Variants in KANSL1L observed in about 807,000 individuals in gnomAD.
KANSL1L encodes the protein KAT8 regulatory NSL complex subunit 1 like.
A neutral mutation model predicts 108.6 loss-of-function variants in KANSL1L; 25 were observed. The ratio of observed to expected loss-of-function variants is 0.23; its 90% CI spans 0.17 to 0.32. KANSL1L has a LOEUF of 0.32. KANSL1L is among the 10% of genes least tolerant of loss of function. The probability of loss-of-function intolerance (pLI) is 1.00; values close to 1 mark genes in which losing one functional copy is unlikely to be tolerated. For synonymous variants in KANSL1L, 405 were observed against 395.1 expected (o/e 1.03, Z -0.30); for missense variants, 1,137 against 1,125.7 (o/e 1.01, Z -0.14).
chr2:210,027,219 A>G, intron 12 of KANSL1L, 77 bp downstream of exon 12: 1 of 931,890 alleles, frequency 1.1e-6, no homozygotes, highest in Non-Finnish European at 1.8e-6. Context: ...ATATTCCTTT[A>G]GTTCCCTGAA....
Position 210,171,226 on chromosome 2 carries a change from G to A in KANSL1L, c.-107C>T, listed in dbSNP as rs1688317343. ...GTGGGGGCTGCTGAGGTGATCTCTA[G>A]CTGCCCGCCCGCCTCCCCCACCCGG... On this transcript the variant is annotated 5_prime_UTR_variant, in exon 1 of 15. Coordinates refer to ENST00000281772, the MANE Select transcript of KANSL1L (RefSeq NM_152519.4). The A allele has an allele frequency of 6.3e-6, 1 of 157,520 alleles. No individual in the cohort carries two copies. Among genetic ancestry groups the A allele is most frequent in the Non-Finnish European group, 1.4e-5 (1 of 71,766 alleles). 9.8% of individuals were successfully genotyped at this position (157,520 alleles called of 1,614,324 possible).
At chr2:210,061,667 A>G (rs1165010411) in intron 6 of KANSL1L, among the ~76,000 whole-genome samples, 1 of 152,236 alleles carries the variant, frequency 6.6e-6, no homozygotes, top group African/African-American at 2.4e-5. Flanking sequence ...ACAAAGAAGC[A>G]TAGATTCTCC....
At chr2:210,041,984 T>C (rs902870432) in intron 7 of KANSL1L, among the ~76,000 whole-genome samples, 4 of 152,218 alleles carry the variant, frequency 2.6e-5, no homozygotes, top group Non-Finnish European at 5.9e-5. Flanking sequence ...AAATGCTCCT[T>C]AAACATTTCA....
intron 1 of KANSL1L, among the ~76,000 whole-genome samples, chr2:210,163,966 G>T (rs2095373826): frequency 6.6e-6 from 1 of 152,042 alleles, no homozygotes; most frequent in Non-Finnish European, 1.5e-5. Flanking sequence ...AGGTTCATGA[G>T]ATATATTTTA....
chr2:210,041,515 A>G (rs1201109152), intron 7 of KANSL1L, among the ~76,000 whole-genome samples: 1 of 152,158 alleles, frequency 6.6e-6, no homozygotes, highest in African/African-American at 2.4e-5. Context: ...GGCCCACTAC[A>G]TTCTCAATCT....
At chr2:210,048,326 A>C (rs551586830) in intron 6 of KANSL1L, among the ~76,000 whole-genome samples, 1 of 149,876 alleles carries the variant, frequency 6.7e-6, no homozygotes, top group Non-Finnish European at 1.5e-5. Context: ...CTTTATTTTT[A>C]TTAATTCTTT....
Position 210,104,308 on chromosome 2 carries a change from AAAAAAC to A in KANSL1L, c.1231-13_1231-8del, listed in dbSNP as rs768160024. ...CTTCTAGGACCACTATCCCCTAGAC[AAAAAAC>A]AATGAGAAAGTTGAAATGAAAACAA... On this transcript the variant is annotated splice_polypyrimidine_tract_variant and splice_region_variant and intron_variant, in intron 3 of 14. Coordinates refer to ENST00000281772, the MANE Select transcript of KANSL1L (RefSeq NM_152519.4). 6.2e-6 allele frequency: 10 copies of A among 1,603,706 alleles called. No homozygotes were observed. The Middle Eastern group carries it at 1.4e-3, about 218-fold the overall frequency.
intron 1 of KANSL1L, among the ~76,000 whole-genome samples, chr2:210,156,987 C>A (rs59691795): frequency 0.018 from 2,467 of 140,188 alleles, 72 homozygotes; most frequent in African/African-American, 0.063. Context: ...ATCCTAAATG[C>A]AAAAAAAAAA....
chr2:210,113,674 A>G (rs2094929400), intron 3 of KANSL1L, among the ~76,000 whole-genome samples: 1 of 152,214 alleles, frequency 6.6e-6, no homozygotes, highest in African/African-American at 2.4e-5. Context: ...TAAAAAAATG[A>G]TGTGAAAAAG....
At chr2:210,054,613 G>C (rs1257840952) in intron 6 of KANSL1L, among the ~76,000 whole-genome samples, 1 of 152,040 alleles carries the variant, frequency 6.6e-6, no homozygotes, top group East Asian at 1.9e-4. Flanking sequence ...ACATGATAAA[G>C]GGCATGAAAA....
intron 1 of KANSL1L, chr2:210,170,230 A>T: frequency 3.0e-6 from 1 of 328,240 alleles, no homozygotes; most frequent in Non-Finnish European, 4.4e-6. Flanking sequence ...ACCCAAACTC[A>T]GATGAAGTTA....
chr2:210,154,726 C>A (rs752938067), intron 1 of KANSL1L, 115 bp from the exon 2 acceptor site: 25 of 487,690 alleles, frequency 5.1e-5, no homozygotes, highest in Non-Finnish European at 8.0e-5. Context: ...GAACAAAACT[C>A]CTCCTTCATC....
chr2:210,153,366 T>TA (rs368253256), intron 2 of KANSL1L, 129 bp downstream of exon 2: 25,819 of 584,380 alleles, frequency 0.044, 4 homozygotes, highest in Middle Eastern at 0.055. Flanking sequence ...AAATAAAAAT[T>TA]AAAAAAAAAA....
At chr2:210,058,337 G>A (rs2094379260) in intron 6 of KANSL1L, among the ~76,000 whole-genome samples, 1 of 152,114 alleles carries the variant, frequency 6.6e-6, no homozygotes, top group South Asian at 2.1e-4. Context: ...CTCAAACCCT[G>A]TCTCCTGATA....
intron 4 of KANSL1L, among the ~76,000 whole-genome samples, chr2:210,098,799 T>C (rs2094764100): frequency 8.0e-6 from 1 of 124,244 alleles, no homozygotes; most frequent in African/African-American, 2.9e-5. Flanking sequence ...TCAATATTTT[T>C]CCTAATTCAC....
At chr2:210,106,385 A>G (rs1481459528) in intron 3 of KANSL1L, among the ~76,000 whole-genome samples, 1 of 152,198 alleles carries the variant, frequency 6.6e-6, no homozygotes, top group Non-Finnish European at 1.5e-5. Flanking sequence ...TCTGAATTTC[A>G]AAGTTCTATT....
chr2:210,131,280 T>C (rs1461003552), intron 2 of KANSL1L, among the ~76,000 whole-genome samples: 1 of 152,136 alleles, frequency 6.6e-6, no homozygotes, highest in Non-Finnish European at 1.5e-5. Context: ...AATATAAAAA[T>C]GGCTTTGACT....
At chr2:210,118,800 T>C (rs2094983681) in intron 3 of KANSL1L, among the ~76,000 whole-genome samples, 1 of 150,188 alleles carries the variant, frequency 6.7e-6, no homozygotes, top group African/African-American at 2.5e-5. Flanking sequence ...GTCGAAATTG[T>C]GCCACTCCAC....
intron 5 of KANSL1L, among the ~76,000 whole-genome samples, chr2:210,087,145 C>G (rs2094645693): frequency 2.6e-5 from 4 of 151,944 alleles, no homozygotes; most frequent in African/African-American, 9.7e-5. Flanking sequence ...CCTCCCACCT[C>G]AGCGTCCCAA....
Sources: gnomAD v4.1 joint callset for allele counts (sites outside exome capture counted in the v4.1 genomes callset) on GRCh38, gnomAD v4.1.1 for gene constraint, MANE v1.5 for transcripts, NCBI Gene and HGNC (gene_info 2026-07-23, HGNC 2026-07-21) for gene names.